Variants in SELENOF observed in about 807,000 individuals in gnomAD.
The protein encoded by SELENOF is 15 kDa selenoprotein.
A neutral mutation model predicts 20.5 loss-of-function variants in SELENOF; 16 were observed. The observed-to-expected ratio is 0.78, with a 90% CI of 0.53 to 1.19. The LOEUF (loss-of-function observed/expected upper bound fraction) is 1.19, where lower values mean the gene tolerates loss of function less well. Among genes scored for constraint, SELENOF ranks in the 50% most tolerant of loss-of-function variants. The pLI is 0.00. For missense variants in SELENOF, 215 were observed against 194.2 expected (o/e 1.11, Z -0.64); for synonymous variants, 78 against 74.5 (o/e 1.05, Z -0.24).
Position 86,893,614 on chromosome 1 carries a change from C to CATAA in SELENOF, c.252+9663_252+9666dup, listed in dbSNP as rs146967782. The stretch of plus-strand genomic sequence containing the variant: ...GCCTGGTGACAGAGCAAGACTGTCT[C>CATAA]ATAAATAAATAAATAAATAAACAAA... On this transcript the variant is annotated intron_variant, in intron 2 of 4. Coordinates refer to ENST00000331835, the MANE Select transcript of SELENOF (RefSeq NM_004261.5). 1.6e-3 allele frequency among the ~76,000 whole-genome samples: 241 copies of CATAA among 151,904 alleles called. 6 individuals carry two copies. The East Asian group carries it at 0.033, about 21-fold the overall frequency.
intron 2 of SELENOF, among the ~76,000 whole-genome samples, chr1:86,901,077 G>A (rs1659691768): frequency 6.6e-6 from 1 of 152,130 alleles, no homozygotes; most frequent in Admixed American, 6.5e-5. Context: ...ATTTTTTGTA[G>A]AGACGGGGTT....
intron 1 of SELENOF, among the ~76,000 whole-genome samples, chr1:86,904,140 G>C (rs1423058791): frequency 1.3e-5 from 2 of 152,054 alleles, no homozygotes; most frequent in Non-Finnish European, 2.9e-5. Context: ...ATGGGTCTAT[G>C]GAGTAAGATT....
upstream of SELENOF, chr1:86,914,262 A>G (rs2102143052): frequency 1.5e-6 from 1 of 686,492 alleles, no homozygotes; most frequent in Non-Finnish European, 2.6e-6. Flanking sequence ...AAAGCTTAAA[A>G]GTCATCAAAT....
chr1:86,872,259 T>C (rs1041368293), intron 3 of SELENOF, among the ~76,000 whole-genome samples: 5 of 152,238 alleles, frequency 3.3e-5, no homozygotes, highest in African/African-American at 4.8e-5. Context: ...TAACTGCTCA[T>C]TGACTATCAT....
At chr1:86,882,006 G>C (rs1489668645) in intron 2 of SELENOF, among the ~76,000 whole-genome samples, 1 of 151,996 alleles carries the variant, frequency 6.6e-6, no homozygotes, top group Non-Finnish European at 1.5e-5. Flanking sequence ...GGCTGAGGTG[G>C]GCGGATCACG....
chr1:86,891,026 G>A (rs906707689), intron 2 of SELENOF, among the ~76,000 whole-genome samples: 1 of 150,550 alleles, frequency 6.6e-6, no homozygotes, highest in African/African-American at 2.4e-5. Flanking sequence ...CAGTATTCTG[G>A]CAGTCCAGCT....
At chr1:86,913,416 C>A (rs1660041143) in intron 1 of SELENOF, among the ~76,000 whole-genome samples, 1 of 151,578 alleles carries the variant, frequency 6.6e-6, no homozygotes, top group Non-Finnish European at 1.5e-5. Context: ...AAGAAGACAA[C>A]GAACATCATT....
At chr1:86,909,587 T>C (rs765755182) in intron 1 of SELENOF, among the ~76,000 whole-genome samples, 6 of 152,232 alleles carry the variant, frequency 3.9e-5, no homozygotes, top group Non-Finnish European at 7.3e-5. Context: ...AAATGGTCCC[T>C]GTATTCTCTT....
chr1:86,867,636 T>C (rs1658636932), intron 4 of SELENOF, among the ~76,000 whole-genome samples: 1 of 152,120 alleles, frequency 6.6e-6, no homozygotes, highest in East Asian at 1.9e-4. Context: ...ACTGTAATGG[T>C]AGATATGTAA....
intron 3 of SELENOF, among the ~76,000 whole-genome samples, chr1:86,871,477 A>G (rs1423607585): frequency 2.0e-5 from 3 of 152,216 alleles, no homozygotes; most frequent in Non-Finnish European, 4.4e-5. Context: ...CTAAAATTTG[A>G]TATTTCTTAA....
chr1:86,910,361 C>T (rs1178865353), intron 1 of SELENOF, among the ~76,000 whole-genome samples: 1 of 152,086 alleles, frequency 6.6e-6, no homozygotes. Flanking sequence ...ATGTTCCATC[C>T]TGTGGGGGTC....
chr1:86,900,834 G>A (rs551767080), intron 2 of SELENOF, among the ~76,000 whole-genome samples: 1 of 152,142 alleles, frequency 6.6e-6, no homozygotes, highest in Non-Finnish European at 1.5e-5. Context: ...CATCACACCC[G>A]AGTTGACTTT....
At chr1:86,893,373 G>C (rs1216420666) in intron 2 of SELENOF, among the ~76,000 whole-genome samples, 4 of 151,660 alleles carry the variant, frequency 2.6e-5, no homozygotes, top group African/African-American at 7.3e-5. Context: ...GGGAGGCCAA[G>C]GTGGGTGGAT....
intron 1 of SELENOF, among the ~76,000 whole-genome samples, chr1:86,904,685 C>A (rs1037977057): frequency 6.6e-6 from 1 of 152,002 alleles, no homozygotes; most frequent in African/African-American, 2.4e-5. Flanking sequence ...TTCCTAACAC[C>A]CCAAACTCAT....
intron 2 of SELENOF, among the ~76,000 whole-genome samples, chr1:86,884,787 G>A (rs973335188): frequency 1.3e-5 from 2 of 152,168 alleles, no homozygotes; most frequent in African/African-American, 4.8e-5. Flanking sequence ...TTAAAAATAC[G>A]AATTAGAGGA....
At chr1:86,879,198 C>G (rs531212854) in intron 3 of SELENOF, among the ~76,000 whole-genome samples, 112 of 151,986 alleles carry the variant, frequency 7.4e-4, no homozygotes, top group South Asian at 2.3e-3. Flanking sequence ...AAATCAATTG[C>G]TAAAACTTTC....
chr1:86,873,085 AAATAAAT>A (rs1658825349), intron 3 of SELENOF, among the ~76,000 whole-genome samples: 2 of 110,434 alleles, frequency 1.8e-5, no homozygotes, highest in Admixed American at 1.8e-4. Flanking sequence ...ATAAATAAAT[AAATAAAT>A]AAAATAAAAA....
intron 1 of SELENOF, among the ~76,000 whole-genome samples, chr1:86,913,585 T>C (rs146271032): frequency 1.3e-5 from 2 of 151,978 alleles, no homozygotes; most frequent in East Asian, 3.9e-4. Flanking sequence ...GTAGTGAAAA[T>C]GAGAGAGCAC....
At position 86,886,289 on chromosome 1, in the gene SELENOF, G is replaced by A. The variant is rs1199243485; in HGVS notation, c.253-5564C>T. Among the ~76,000 whole-genome samples the A allele has an allele frequency of 2.6e-5, 4 of 152,138 alleles. No homozygotes were observed. In the East Asian group the frequency reaches 7.7e-4, roughly 29 times the overall value. ...ATTGTAATGGGCAGGCAGGGATGAG[G>A]AATACTGCCTTATACTATGTTATAT... is the stretch of plus-strand genomic sequence containing the variant. On this transcript the variant is annotated intron_variant, in intron 2 of 4. Coordinates refer to ENST00000331835, the MANE Select transcript of SELENOF (RefSeq NM_004261.5).
Sources: gnomAD v4.1 joint callset for allele counts (sites outside exome capture counted in the v4.1 genomes callset) on GRCh38, gnomAD v4.1.1 for gene constraint, MANE v1.5 for transcripts, NCBI Gene and HGNC (gene_info 2026-07-23, HGNC 2026-07-21) for gene names.